ZCCHC8: variants seen among roughly 807,000 people sequenced by gnomAD.
ZCCHC8 encodes the protein zinc finger CCHC-type containing 8, also known as zinc finger CCHC domain-containing protein 8.
In ZCCHC8, 27 loss-of-function variants were observed where a neutral mutation model predicts 70.6. The observed-to-expected ratio is 0.38, with a 90% CI of 0.28 to 0.53. The LOEUF is 0.53. Among genes scored for constraint, ZCCHC8 ranks in the 20% least tolerant of loss-of-function variants. The pLI is 0.81. For missense variants in ZCCHC8, 737 were observed against 876.9 expected, an observed-to-expected ratio of 0.84 and a Z score of 2.01; for synonymous variants, 293 against 317.4, an observed-to-expected ratio of 0.92 and a Z score of 0.82.
intron 3 of ZCCHC8, among the ~76,000 whole-genome samples, 192 bp downstream of exon 3, chr12:122,492,523 A>G (rs898500310): frequency 6.6e-6 from 1 of 152,194 alleles, no homozygotes; most frequent in Non-Finnish European, 1.5e-5. Flanking sequence ...ATAGAAAGTA[A>G]GAGTCCAGAT....
intron 3 of ZCCHC8, among the ~76,000 whole-genome samples, chr12:122,491,220 C>G (rs993014948): frequency 1.7e-4 from 26 of 152,306 alleles, no homozygotes; most frequent in Non-Finnish European, 2.4e-4. Flanking sequence ...GCCATAATGT[C>G]TCAGACTCAG....
chr12:122,477,152 T>C (rs1211911015), intron 13 of ZCCHC8, among the ~76,000 whole-genome samples: 1 of 151,754 alleles, frequency 6.6e-6, no homozygotes, highest in Admixed American at 6.6e-5. Flanking sequence ...GGGAATTTAA[T>C]TCATGATCTT....
chr12:122,482,495 A>T, intron 8 of ZCCHC8, 140 bp downstream of exon 8: 1 of 521,246 alleles, frequency 1.9e-6, no homozygotes, highest in Non-Finnish European at 3.3e-6. Flanking sequence ...ACAAATTTGA[A>T]AAGATTTCAA....
intron 2 of ZCCHC8, 139 bp downstream of exon 2, chr12:122,498,682 ATTACTT>A (rs1957868911): frequency 2.6e-6 from 2 of 776,322 alleles, no homozygotes; most frequent in Non-Finnish European, 4.2e-6. Context: ...TTAAATAACT[ATTACTT>A]TGATTTCTTC....
In ZCCHC8 at chr12:122,474,141, G is replaced by A. The variant is rs750287912; in HGVS notation, c.1480C>T (p.Pro494Ser). The A allele has an allele frequency of 4.0e-6, 6 of 1,509,672 alleles. No individual in the cohort carries two copies. Among genetic ancestry groups the A allele is most frequent in the Admixed American group, 2.4e-5 (1 of 41,096 alleles). 93.5% of individuals were successfully genotyped at this position (1,509,672 alleles called of 1,614,324 possible). A position where few individuals can be genotyped will look rare whatever the true frequency, so the allele number is the denominator to read the frequency against. ...FTPPLPKGTP[P>S]LTPSDSPQTR... ...TGGGGTGAGTCACTGGGAGTCAGCG[G>A]CGGGGTGCCCTTTGGGAGTGGAGGG... The change falls in exon 14 of 14, where the codon CCG (proline) becomes TCG (serine). Residue 494 changes from proline to serine, a missense_variant. Physicochemically the swap from Pro to Ser is moderately conservative, Grantham distance 74. Transcript: ENST00000633063.
At chr12:122,489,768 C>T (rs1957712141) in intron 4 of ZCCHC8, among the ~76,000 whole-genome samples, 1 of 152,094 alleles carries the variant, frequency 6.6e-6, no homozygotes, top group Non-Finnish European at 1.5e-5. Flanking sequence ...AGACCTCAAG[C>T]CACTACAAAA....
chr12:122,491,193 T>C (rs1339116960), intron 3 of ZCCHC8: 1 of 152,288 alleles, frequency 6.6e-6, no homozygotes, highest in Non-Finnish European at 1.5e-5. Flanking sequence ...CAAGCCTTAT[T>C]ACCATGTAAT....
intron 1 of ZCCHC8, chr12:122,499,203 A>T (rs996946175): frequency 3.1e-6 from 1 of 327,858 alleles, no homozygotes; most frequent in Admixed American, 4.6e-5. Flanking sequence ...AATGCAGTAT[A>T]ACGAGCTGTT....
chr12:122,481,956 T>C lies in ZCCHC8; in HGVS notation c.864A>G (p.Pro288=). Reference sequence around the variant, plus strand: ...AATGCCATTAGTACCTAATAACTCCTGGCTTGAATCTTCCAAATCTTTCTT... The same window carrying C: ...AATGCCATTAGTACCTAATAACTCCCGGCTTGAATCTTCCAAATCTTTCTT... The part of the protein sequence containing the change: ...EVEERFGRFK[P]GVISEELQDA... Residue 288 remains proline, a synonymous_variant, in exon 9 of 14, where the codon CCA becomes CCG. Coordinates refer to ENST00000633063, the MANE Select transcript of ZCCHC8 (RefSeq NM_017612.5). 6.2e-7 allele frequency: 1 copy of C among 1,612,844 alleles called. No individual in the cohort carries two copies.
intron 1 of ZCCHC8, chr12:122,499,800 C>T (rs1161593007): frequency 6.6e-6 from 1 of 152,586 alleles, no homozygotes; most frequent in Non-Finnish European, 1.5e-5. Context: ...CGAGATCGCG[C>T]CACTGCACTC....
At position 122,474,081 on chromosome 12, in the gene ZCCHC8, C is replaced by T. The variant is rs749468647; in HGVS notation, c.1540G>A (p.Ala514Thr). 49 of 1,518,198 alleles carry T rather than the reference C, an allele frequency of 3.2e-5. No homozygotes were observed. In the East Asian group the frequency reaches 4.8e-4, roughly 15 times the overall value. The allele number at this position is 1,518,198 out of a possible 1,614,324, so 94.0% of individuals were successfully genotyped here. ...TCTTCAAGTTCTTCTAGAGTCAGTG[C>T]GTCCTCATCCACAGCTCCAGATGCT... ...RTASGAVDED[A>T]LTLEELEEQQ... The change falls in exon 14 of 14, where the codon GCA (alanine) becomes ACA (threonine). Residue 514 changes from alanine (A) to threonine (T), a missense_variant. By Grantham distance (58) the Ala-to-Thr change is moderately conservative. Transcript: ENST00000633063.
chr12:122,492,744 C>A lies in ZCCHC8; in HGVS notation c.288G>T (p.Gln96His), dbSNP rs1410414236. 5 of 1,548,954 alleles carry A rather than the reference C, an allele frequency of 3.2e-6. No homozygotes were observed. The South Asian group carries it at 4.8e-5, about 15-fold the overall frequency. Reference protein sequence around the residue: ...NDTKLDGPILQILFMNNAISK... With the variant: ...NDTKLDGPILHILFMNNAISK... Reference sequence around the variant, plus strand: ...AAATAGCATTGTTCATGAATAGAATCTGTAATATAGGTCCATCTAACTTAG... The same window carrying A: ...AAATAGCATTGTTCATGAATAGAATATGTAATATAGGTCCATCTAACTTAG... Residue 96 changes from glutamine to histidine, a missense_variant, in exon 3 of 14, where the codon CAG becomes CAT. Physicochemically the swap from Gln to His is conservative, Grantham distance 24 (BLOSUM62 0). Coordinates refer to ENST00000633063, the MANE Select transcript of ZCCHC8 (RefSeq NM_017612.5).
Position 122,500,438 on chromosome 12 carries a change from G to C in ZCCHC8, c.199+204C>G. 1 of 665,870 alleles carries C rather than the reference G, an allele frequency of 1.5e-6. No homozygotes were observed. The highest frequency in any genetic ancestry group is 2.5e-6 in the Non-Finnish European group (1 of 403,972). 41.2% of individuals were successfully genotyped at this position (665,870 alleles called of 1,614,324 possible). A position where few individuals can be genotyped will look rare whatever the true frequency, so the allele number is the denominator to read the frequency against. On this transcript the variant is annotated intron_variant, in intron 1 of 13. Coordinates refer to ENST00000633063, the MANE Select transcript of ZCCHC8 (RefSeq NM_017612.5). This position sits in a 1 kb window ranked among gnomAD's most constrained non-coding sequence, Gnocchi z 4.8. The stretch of plus-strand genomic sequence containing the variant: ...GGTCAGGAGACGGCCTCCCTGAGGG[G>C]AAGAGGTCTGCGCCGAGGCAGCCTG...
At chr12:122,497,551 A>T (rs919268384) in intron 2 of ZCCHC8, among the ~76,000 whole-genome samples, 3 of 152,198 alleles carry the variant, frequency 2.0e-5, no homozygotes, top group Admixed American at 6.6e-5. Context: ...CAAAAAAATT[A>T]AAAAATATAA....
In ZCCHC8 at chr12:122,473,195, G is replaced by T; in HGVS notation, c.*302C>A. ...TAGAAAGGGAAAACAATGTACAAAA[G>T]ACAGATAAAAACCATCACTCTCGAC... On this transcript the variant is annotated 3_prime_UTR_variant, in exon 14 of 14. Coordinates refer to ENST00000633063, the MANE Select transcript of ZCCHC8 (RefSeq NM_017612.5). The T allele has an allele frequency of 3.6e-6, 1 of 279,116 alleles. No individual in the cohort carries two copies. The highest frequency in any genetic ancestry group is 6.7e-6 in the Non-Finnish European group (1 of 148,900). The allele number at this position is 279,116 out of a possible 1,614,324, so 17.3% of individuals were successfully genotyped here. A position where few individuals can be genotyped will look rare whatever the true frequency, so the allele number is the denominator to read the frequency against.
intron 5 of ZCCHC8, among the ~76,000 whole-genome samples, chr12:122,485,983 C>T (rs1957629348): frequency 6.6e-6 from 1 of 152,210 alleles, no homozygotes; most frequent in Non-Finnish European, 1.5e-5. Flanking sequence ...AAGCACTTCT[C>T]AGCAGCACCA....
chr12:122,486,604 C>A (rs1168947164), intron 5 of ZCCHC8, among the ~76,000 whole-genome samples: 4 of 151,872 alleles, frequency 2.6e-5, no homozygotes, highest in Admixed American at 6.6e-5. Context: ...GAGTCTCGCT[C>A]TGTTGCCCAG....
In ZCCHC8 at chr12:122,492,723, A is replaced by G. The variant is rs1957769146; in HGVS notation, c.309T>C (p.Ala103=). 6.5e-7 allele frequency: 1 copy of G among 1,535,672 alleles called. No individual in the cohort carries two copies. Among genetic ancestry groups the G allele is most frequent in the South Asian group, 1.2e-5 (1 of 82,036 alleles). Residue 103 remains alanine (A), a synonymous_variant, in exon 3 of 14, where the codon GCT becomes GCC. Transcript: ENST00000633063. ...PILQILFMNN[A]ISKQYHQEIE... ...GGGAAAAAATTACTTACTTTGAAATAGCATTGTTCATGAATAGAATCTGTA... is the reference window on the plus strand; with the variant it reads ...GGGAAAAAATTACTTACTTTGAAATGGCATTGTTCATGAATAGAATCTGTA...
intron 1 of ZCCHC8, 73 bp from the exon 2 acceptor site, chr12:122,498,942 A>C: frequency 8.2e-6 from 11 of 1,334,060 alleles, no homozygotes; most frequent in Non-Finnish European, 1.2e-5. Context: ...TACTTCTCTC[A>C]CTTTTGGTGT....
Sources: allele counts gnomAD v4.1 joint callset (sites outside exome capture counted in the v4.1 genomes callset), GRCh38; gene constraint gnomAD v4.1.1; non-coding constraint Gnocchi (gnomAD v3.1); transcripts MANE v1.5; gene names NCBI Gene and HGNC (gene_info 2026-07-23, HGNC 2026-07-21).